ARFGAP1: variants seen among roughly 807,000 people sequenced by gnomAD.
ARFGAP1 encodes ADP-ribosylation factor GTPase-activating protein 1.
A neutral mutation model predicts 54.0 loss-of-function variants in ARFGAP1; 26 were observed. The observed-to-expected ratio is 0.48, with a 90% CI of 0.35 to 0.67. ARFGAP1 has a LOEUF of 0.67. Ranked by LOEUF, ARFGAP1 falls within the 30% of genes least tolerant of loss-of-function variation. The pLI, the probability that ARFGAP1 is intolerant of heterozygous loss-of-function variation, is 0.00. For synonymous variants in ARFGAP1, 248 were observed against 211.9 expected, an observed-to-expected ratio of 1.17 and a Z score of -1.48; for missense variants, 525 against 535.8, an observed-to-expected ratio of 0.98 and a Z score of 0.20.
chr20:63,280,660 G>T (rs924250260), intron 7 of ARFGAP1, among the ~76,000 whole-genome samples: 1 of 152,226 alleles, frequency 6.6e-6, no homozygotes, highest in Non-Finnish European at 1.5e-5. Flanking sequence ...CTTTAGGGAA[G>T]AAAAGCGCAT....
rs1249720255 is a variant in ARFGAP1, at chr20:63,276,429, T to C, written c.171-51T>C. 2.5e-6 allele frequency: 4 copies of C among 1,574,264 alleles called. No homozygotes were observed. The highest frequency in any genetic ancestry group is 2.6e-6 in the Non-Finnish European group (3 of 1,157,796). On this transcript the variant is annotated intron_variant, in intron 3 of 12. Coordinates refer to ENST00000370283, the MANE Select transcript of ARFGAP1 (RefSeq NM_018209.4). The surrounding 1 kb of genome is among the most constrained non-coding windows in gnomAD (Gnocchi z 5.2). ...TCAGGACGATGCTGGGTGGAGGGTG[T>C]CCCTGGGTGTCCCCGGTGCTGGTTG...
intron 5 of ARFGAP1, among the ~76,000 whole-genome samples, 194 bp from the exon 6 acceptor site, chr20:63,277,923 G>A (rs972728340): frequency 6.6e-6 from 1 of 152,232 alleles, no homozygotes; most frequent in Non-Finnish European, 1.5e-5. Flanking sequence ...TTGCCCATGA[G>A]GCTGGCATTG....
At position 63,276,898 on chromosome 20, in the gene ARFGAP1, C is replaced by T. The variant is rs1449813051; in HGVS notation, c.342+247C>T. Among the ~76,000 whole-genome samples the T allele has an allele frequency of 1.3e-5, 2 of 152,232 alleles. No individual in the cohort carries two copies. The highest frequency in any genetic ancestry group is 1.3e-4 in the Admixed American group (2 of 15,292). ...GAAAGCAGCTGTGACCGTTTATTGCCTCTGTGACATGTTGGGCACAGTGTT... is the reference window on the plus strand; with the variant it reads ...GAAAGCAGCTGTGACCGTTTATTGCTTCTGTGACATGTTGGGCACAGTGTT... On this transcript the variant is annotated intron_variant, in intron 4 of 12. Transcript: ENST00000370283. The surrounding 1 kb of genome is among the most constrained non-coding windows in gnomAD (Gnocchi z 5.2).
rs751201282 is a variant in ARFGAP1 at position 63,287,834 on chromosome 20, C to T, written c.1182C>T (p.Ala394=). The T allele has an allele frequency of 7.0e-6, 11 of 1,572,956 alleles. No homozygotes were observed. Among genetic ancestry groups the T allele is most frequent in the East Asian group, 4.6e-5 (2 of 43,270 alleles). Residue 394 remains alanine, a synonymous_variant, in exon 13 of 13, where the codon GCC becomes GCT. Coordinates refer to ENST00000370283, the MANE Select transcript of ARFGAP1 (RefSeq NM_018209.4). The stretch of plus-strand genomic sequence containing the variant: ...GCACCAAGAAGGCAGTGCCGCCGGC[C>T]GTGCCCACTGATGATGGCTGGGACA... ...GEGTKKAVPP[A]VPTDDGWDNQ...
intron 1 of ARFGAP1, among the ~76,000 whole-genome samples, chr20:63,275,207 C>T (rs752215285): frequency 6.6e-6 from 1 of 152,152 alleles, no homozygotes; most frequent in African/African-American, 2.4e-5. Flanking sequence ...AATTTTGCAG[C>T]CAATCTGTGT....
intron 1 of ARFGAP1, 67 bp downstream of exon 1, chr20:63,272,987 C>T (rs567626576): frequency 6.6e-6 from 1 of 152,122 alleles, no homozygotes; most frequent in East Asian, 1.9e-4. Flanking sequence ...CGTCCCCGGC[C>T]TTCGCGGGCG....
At chr20:63,277,163 A>G (rs543258858) in intron 4 of ARFGAP1, 42 bp from the exon 5 acceptor site, 33 of 1,553,676 alleles carry the variant, frequency 2.1e-5, no homozygotes, top group African/African-American at 2.7e-5. Context: ...GGGCATCGCC[A>G]GGCGCCTTTA....
Position 63,287,831 on chromosome 20 carries a change from G to A in ARFGAP1, c.1179G>A (p.Pro393=), listed in dbSNP as rs1203785299. 8.9e-6 allele frequency: 14 copies of A among 1,575,144 alleles called. No homozygotes were observed. Among genetic ancestry groups the A allele is most frequent in the South Asian group, 1.2e-5 (1 of 86,628 alleles). The part of the protein sequence containing the change: ...GGEGTKKAVP[P]AVPTDDGWDN... ...AGGGCACCAAGAAGGCAGTGCCGCC[G>A]GCCGTGCCCACTGATGATGGCTGGG... Residue 393 remains proline, a synonymous_variant, in exon 13 of 13, where the codon CCG becomes CCA. Coordinates refer to ENST00000370283, the MANE Select transcript of ARFGAP1 (RefSeq NM_018209.4).
At position 63,275,610 on chromosome 20, in the gene ARFGAP1, T is replaced by G. The variant is rs765765087; in HGVS notation, c.30T>G (p.Leu10=). Residue 10 remains leucine (L), a synonymous_variant, in exon 2 of 13, where the codon CTT becomes CTG. Transcript: ENST00000370283. ...CCAGCCCAAGAACCAGGAAGGTTCT[T>G]AAAGAAGTCAGGGTGCAGGATGAGA... MASPRTRKV[L]KEVRVQDENN... is the part of the protein sequence containing the mutation. 6.2e-7 allele frequency: 1 copy of G among 1,613,936 alleles called. No individual in the cohort carries two copies. The highest frequency in any genetic ancestry group is 8.5e-7 in the Non-Finnish European group (1 of 1,180,006).
Position 63,287,930 on chromosome 20 carries a change from C to A in ARFGAP1, c.*57C>A. ...GGGCGACTTCGTGTTTGCACTCTGC[C>A]CTCGTCGTTCCTCCTCCTTCCATTT... On this transcript the variant is annotated 3_prime_UTR_variant, in exon 13 of 13. Transcript: ENST00000370283. The A allele has an allele frequency of 7.0e-7, 1 of 1,434,544 alleles. No homozygotes were observed. The highest frequency in any genetic ancestry group is 9.2e-7 in the Non-Finnish European group (1 of 1,089,090). 88.9% of individuals were successfully genotyped at this position (1,434,544 alleles called of 1,614,324 possible).
Position 63,275,659 on chromosome 20 carries a change from C to T in ARFGAP1, c.60+19C>T, listed in dbSNP as rs747296605. 7 of 1,605,204 alleles carry T rather than the reference C, an allele frequency of 4.4e-6. No individual in the cohort carries two copies. Among genetic ancestry groups the T allele is most frequent in the African/African-American group, 1.3e-5 (1 of 74,724 alleles). On this transcript the variant is annotated intron_variant, in intron 2 of 12. Transcript: ENST00000370283. ...GAACAACGTAAGCCTCTGCCCCCCA[C>T]CCCCCGCCCTAAGGCTTGGTCAGGG...
chr20:63,283,564 C>T (rs912222183), intron 9 of ARFGAP1: 1 of 465,424 alleles, frequency 2.1e-6, no homozygotes, highest in Non-Finnish European at 3.8e-6. Context: ...ATCACCCCTT[C>T]CTCTCTGAGG....
chr20:63,278,814 C>A, intron 6 of ARFGAP1, 85 bp from the exon 7 acceptor site: 2 of 1,351,684 alleles, frequency 1.5e-6, no homozygotes, highest in African/African-American at 2.9e-5. Flanking sequence ...AGAGCCCCAG[C>A]CTTGCCTGTG....
intron 5 of ARFGAP1, among the ~76,000 whole-genome samples, chr20:63,277,551 G>A (rs1036961693): frequency 6.6e-5 from 10 of 152,214 alleles, no homozygotes; most frequent in East Asian, 3.8e-4. Context: ...GCACACAGCC[G>A]TGTCTGCCGT....
chr20:63,282,288 G>A (rs1366154729), intron 8 of ARFGAP1, among the ~76,000 whole-genome samples: 3 of 152,362 alleles, frequency 2.0e-5, no homozygotes, highest in South Asian at 2.1e-4. Context: ...TCGTCTGCAC[G>A]GGAGGGCTGC....
intron 11 of ARFGAP1, chr20:63,286,083 G>A (rs2067530482): frequency 6.5e-7 from 1 of 1,549,942 alleles, no homozygotes; most frequent in South Asian, 1.2e-5. Flanking sequence ...GGACAGACGG[G>A]GAGGGAAGAG....
chr20:63,278,627 C>T (rs2067295193), intron 6 of ARFGAP1: 1 of 521,518 alleles, frequency 1.9e-6, no homozygotes, highest in African/African-American at 1.9e-5. Context: ...CCAAAGCTGT[C>T]ATATTAAGTT....
intron 9 of ARFGAP1, chr20:63,284,325 C>T (rs574357814): frequency 1.9e-6 from 2 of 1,076,758 alleles, no homozygotes; most frequent in East Asian, 7.0e-5. Flanking sequence ...CTGCTCCCTG[C>T]CTTTGGGGGA....
chr20:63,285,084 C>G (rs1416701223), intron 10 of ARFGAP1, among the ~76,000 whole-genome samples, 162 bp downstream of exon 10: 1 of 152,104 alleles, frequency 6.6e-6, no homozygotes, highest in African/African-American at 2.4e-5. Context: ...GGGGCCTGGG[C>G]TCCTCTTGGA....
Sources: allele counts gnomAD v4.1 joint callset (sites outside exome capture counted in the v4.1 genomes callset), GRCh38; gene constraint gnomAD v4.1.1; non-coding constraint Gnocchi (gnomAD v3.1); transcripts MANE v1.5; gene names NCBI Gene and HGNC (gene_info 2026-07-23, HGNC 2026-07-21).